The following SPOCK1 variants were observed in gnomAD, a reference collection of about 807,000 sequenced individuals.
The protein encoded by SPOCK1 is testican-1.
A neutral mutation model predicts 55.3 loss-of-function variants in SPOCK1; 23 were observed. That is an observed-to-expected ratio of 0.42 (90% confidence interval 0.30 to 0.59). SPOCK1 has a LOEUF of 0.59. Among genes scored for constraint, SPOCK1 ranks in the 20% least tolerant of loss-of-function variants. The pLI, the probability that SPOCK1 is intolerant of heterozygous loss-of-function variation, is 0.22. For synonymous variants in SPOCK1, 226 were observed against 221.0 expected (o/e 1.02, Z -0.20); for missense variants, 499 against 552.5 (o/e 0.90, Z 0.97).
At chr5:137,107,567 C>T (rs1287951008) in intron 5 of SPOCK1, among the ~76,000 whole-genome samples, 1 of 152,188 alleles carries the variant, frequency 6.6e-6, no homozygotes, top group East Asian at 1.9e-4. Flanking sequence ...CCCTTCATCT[C>T]AAGACTCTGT....
chr5:137,348,890 A>C (rs1015646988), intron 2 of SPOCK1, among the ~76,000 whole-genome samples: 9 of 152,174 alleles, frequency 5.9e-5, no homozygotes, highest in African/African-American at 1.9e-4. Context: ...CAACAACTTC[A>C]ATAACCCACT....
At chr5:137,099,529 T>G (rs1356863904) in intron 5 of SPOCK1, among the ~76,000 whole-genome samples, 1 of 152,158 alleles carries the variant, frequency 6.6e-6, no homozygotes, top group Admixed American at 6.5e-5. Flanking sequence ...CAGGCAAGTG[T>G]TCTTTTGCCC....
intron 3 of SPOCK1, among the ~76,000 whole-genome samples, chr5:137,166,479 G>C (rs543416088): frequency 6.6e-6 from 1 of 151,320 alleles, no homozygotes; most frequent in Non-Finnish European, 1.5e-5. Context: ...CCATCTGAAG[G>C]TACAAAATTC....
chr5:137,497,660 C>G (rs77254405), intron 2 of SPOCK1, among the ~76,000 whole-genome samples: 1,696 of 152,244 alleles, frequency 0.011, 29 homozygotes, highest in African/African-American at 0.038. Context: ...TGTGTTTCTG[C>G]GTGTCCGGGA....
intron 2 of SPOCK1, among the ~76,000 whole-genome samples, chr5:137,417,841 A>T (rs1752376418): frequency 6.6e-6 from 1 of 152,162 alleles, no homozygotes; most frequent in Non-Finnish European, 1.5e-5. Context: ...TTTAGGGTAC[A>T]TGTGCACAAC....
intron 2 of SPOCK1, among the ~76,000 whole-genome samples, chr5:137,281,689 C>T (rs939884038): frequency 2.0e-5 from 3 of 152,174 alleles, no homozygotes; most frequent in African/African-American, 2.4e-5. Context: ...TTCAAGCATT[C>T]GGGGCTCAGC....
chr5:137,367,073 C>T (rs1206713500), intron 2 of SPOCK1, among the ~76,000 whole-genome samples: 5 of 152,186 alleles, frequency 3.3e-5, no homozygotes, highest in Non-Finnish European at 7.3e-5. Flanking sequence ...GTTCACATAT[C>T]TTAAAGTACG....
intron 1 of SPOCK1, among the ~76,000 whole-genome samples, 191 bp from the exon 2 acceptor site, chr5:137,498,749 C>T (rs1186723327): frequency 6.6e-6 from 1 of 152,202 alleles, no homozygotes; most frequent in East Asian, 1.9e-4. Context: ...GACTCATCTA[C>T]GAACGAGGAG....
intron 2 of SPOCK1, among the ~76,000 whole-genome samples, chr5:137,411,827 T>C (rs1752213907): frequency 6.6e-6 from 1 of 152,226 alleles, no homozygotes; most frequent in African/African-American, 2.4e-5. Context: ...TACCAAACTT[T>C]CACTTCATCC....
At chr5:137,024,027 G>C (rs1247019808) in intron 6 of SPOCK1, among the ~76,000 whole-genome samples, 2 of 145,072 alleles carry the variant, frequency 1.4e-5, no homozygotes, top group Middle Eastern at 3.5e-3. Flanking sequence ...GTCTGCAGAA[G>C]ATCTTCTTAG....
At chr5:137,200,649 AT>A (rs1210288012) in intron 3 of SPOCK1, among the ~76,000 whole-genome samples, 3 of 152,078 alleles carry the variant, frequency 2.0e-5, no homozygotes, top group East Asian at 3.9e-4. Context: ...TTCAATTTTA[AT>A]TTTTTTATTT....
chr5:137,003,098 T>C (rs1166638723), intron 6 of SPOCK1, among the ~76,000 whole-genome samples: 1 of 152,166 alleles, frequency 6.6e-6, no homozygotes, highest in Non-Finnish European at 1.5e-5. Flanking sequence ...TTCTAAATCA[T>C]AAATGTATAT....
At chr5:137,173,646 A>G (rs1754797347) in intron 3 of SPOCK1, among the ~76,000 whole-genome samples, 1 of 152,218 alleles carries the variant, frequency 6.6e-6, no homozygotes, top group Non-Finnish European at 1.5e-5. Flanking sequence ...TATTTCTTGA[A>G]TTTATTTTGT....
chr5:137,371,869 A>AG (rs1751208263), intron 2 of SPOCK1, among the ~76,000 whole-genome samples: 1 of 152,240 alleles, frequency 6.6e-6, no homozygotes, highest in Non-Finnish European at 1.5e-5. Flanking sequence ...TGAAGAAGGA[A>AG]GGGGCTGTTA....
At chr5:137,412,586 T>C (rs1752233303) in intron 2 of SPOCK1, among the ~76,000 whole-genome samples, 1 of 152,150 alleles carries the variant, frequency 6.6e-6, no homozygotes, top group East Asian at 1.9e-4. Context: ...AGGAACCAGG[T>C]TGACCCACTC....
intron 3 of SPOCK1, among the ~76,000 whole-genome samples, chr5:137,257,296 C>A (rs1415923561): frequency 1.3e-5 from 2 of 152,192 alleles, no homozygotes; most frequent in Admixed American, 6.5e-5. Context: ...TGTGTCCCCC[C>A]CCAAAATTTA....
intron 2 of SPOCK1, among the ~76,000 whole-genome samples, chr5:137,412,121 C>T (rs971145134): frequency 6.6e-6 from 1 of 152,200 alleles, no homozygotes; most frequent in African/African-American, 2.4e-5. Context: ...CCCAATGCAA[C>T]AGTGTCCTCA....
Position 137,024,322 on chromosome 5 carries a change from G to GA in SPOCK1, c.590-31723_590-31722insT, listed in dbSNP as rs1554093490. 7.6e-5 allele frequency among the ~76,000 whole-genome samples: 11 copies of GA among 144,312 alleles called. 1 individual carries two copies. Among genetic ancestry groups the GA allele is most frequent in the African/African-American group, 2.9e-4 (11 of 38,372 alleles). 94.7% of individuals were successfully genotyped at this position (144,312 alleles called of 152,430 possible). ...AAATTGCACCAGTTTGAAGGGGGGG[G>GA]GGTAGTTACAACTGACTGCTCATGT... On this transcript the variant is annotated intron_variant, in intron 6 of 10. Transcript: ENST00000394945.
chr5:137,130,738 G>A (rs1297143516), intron 4 of SPOCK1, among the ~76,000 whole-genome samples: 2 of 152,228 alleles, frequency 1.3e-5, no homozygotes, highest in Non-Finnish European at 2.9e-5. Context: ...TGGGAAGCAT[G>A]ACACCACAGC....
Sources: gnomAD v4.1 joint callset for allele counts (sites outside exome capture counted in the v4.1 genomes callset) on GRCh38, gnomAD v4.1.1 for gene constraint, MANE v1.5 for transcripts, NCBI Gene and HGNC (gene_info 2026-07-23, HGNC 2026-07-21) for gene names.